AKAP7: variants seen among roughly 807,000 people sequenced by gnomAD.
AKAP7 encodes the protein A kinase (PRKA) anchor protein 7.
In AKAP7, 39 loss-of-function variants were observed where a neutral mutation model predicts 39.5. The observed-to-expected ratio is 0.99, with a 90% CI of 0.76 to 1.29. AKAP7 has a LOEUF of 1.29. Among genes scored for constraint, AKAP7 ranks in the 50% most tolerant of loss-of-function variants. The pLI is 0.00. For synonymous variants in AKAP7, 140 were observed against 139.1 expected, an observed-to-expected ratio of 1.01 and a Z score of -0.05; for missense variants, 414 against 407.7, an observed-to-expected ratio of 1.02 and a Z score of -0.13.
intron 5 of AKAP7, among the ~76,000 whole-genome samples, chr6:131,176,969 C>G (rs1220483748): frequency 6.6e-6 from 1 of 152,138 alleles, no homozygotes; most frequent in East Asian, 1.9e-4. Context: ...CAGACCTGCA[C>G]CATTGAGGCC....
intron 6 of AKAP7, among the ~76,000 whole-genome samples, chr6:131,217,771 G>A (rs903857785): frequency 6.6e-6 from 1 of 152,198 alleles, no homozygotes; most frequent in Non-Finnish European, 1.5e-5. Context: ...TTTACAAAAC[G>A]GAAGTGAAGA....
Position 131,240,588 on chromosome 6 carries a change from A to G in AKAP7, c.850+20780A>G, listed in dbSNP as rs564795353. On this transcript the variant is annotated intron_variant, in intron 7 of 7. Transcript: ENST00000431975. ...AGCTTCCTGGCCGCTTTGTTTACCT[A>G]CTCAAGCCGGGGCAATGGCGGGTGC... 5.3e-5 allele frequency among the ~76,000 whole-genome samples: 8 copies of G among 152,170 alleles called. No individual in the cohort carries two copies. In the East Asian group the frequency reaches 1.5e-3, roughly 29 times the overall value.
chr6:131,235,823 G>C (rs948757244), intron 7 of AKAP7, among the ~76,000 whole-genome samples: 2 of 152,156 alleles, frequency 1.3e-5, no homozygotes, highest in Non-Finnish European at 2.9e-5. Context: ...TTTGTCAGAT[G>C]AGTAGATTGC....
At chr6:131,238,044 G>A (rs1014459696) in intron 7 of AKAP7, among the ~76,000 whole-genome samples, 4 of 151,992 alleles carry the variant, frequency 2.6e-5, no homozygotes, top group Non-Finnish European at 5.9e-5. Flanking sequence ...TGGTCATTTA[G>A]TGCTATAAAT....
In AKAP7 at chr6:131,135,593, G is replaced by A. The variant is rs9402320; in HGVS notation, c.-171G>A. The A allele has an allele frequency of 8.3e-6, 4 of 479,206 alleles. No individual in the cohort carries two copies. Among genetic ancestry groups the A allele is most frequent in the Non-Finnish European group, 1.1e-5 (4 of 366,592 alleles). The allele number at this position is 479,206 out of a possible 1,614,324, so 29.7% of individuals were successfully genotyped here. The stretch of plus-strand genomic sequence containing the variant: ...CCGCGCTTCCGCAGGCCTGGCCTCC[G>A]CCGCCCGGGCCCCCGCAGCCTGTCG... On this transcript the variant is annotated 5_prime_UTR_variant, in exon 1 of 8. Coordinates refer to ENST00000431975, the MANE Select transcript of AKAP7 (RefSeq NM_016377.4).
chr6:131,145,253 A>C, intron 1 of AKAP7, 32 bp from the exon 2 acceptor site: 1 of 1,339,288 alleles, frequency 7.5e-7, no homozygotes, highest in Non-Finnish European at 9.9e-7. Flanking sequence ...AAGTTAAATA[A>C]TCCTTTTTTT....
chr6:131,134,559 C>G (rs897860135), upstream of AKAP7, among the ~76,000 whole-genome samples: 2 of 152,174 alleles, frequency 1.3e-5, no homozygotes, highest in Non-Finnish European at 2.9e-5. Flanking sequence ...ACCTGTCTTA[C>G]CTGCACATCC....
intron 1 of AKAP7, among the ~76,000 whole-genome samples, chr6:131,144,144 G>A (rs1374874689): frequency 1.4e-5 from 2 of 144,512 alleles, no homozygotes; most frequent in Non-Finnish European, 3.0e-5. Flanking sequence ...AAAATGAAAA[G>A]TCTCCCATGT....
chr6:131,148,727 T>A (rs966053764), intron 2 of AKAP7, among the ~76,000 whole-genome samples: 1 of 152,274 alleles, frequency 6.6e-6, no homozygotes, highest in South Asian at 2.1e-4. Context: ...TTTATAGGAA[T>A]GTACAAAAAC....
chr6:131,254,482 A>G (rs1431039883), intron 7 of AKAP7, among the ~76,000 whole-genome samples: 3 of 152,234 alleles, frequency 2.0e-5, no homozygotes, highest in African/African-American at 4.8e-5. Flanking sequence ...CTTAATAACT[A>G]TGTAGATACC....
intron 7 of AKAP7, among the ~76,000 whole-genome samples, chr6:131,252,039 C>T (rs1196205950): frequency 1.3e-5 from 2 of 152,224 alleles, no homozygotes; most frequent in Non-Finnish European, 2.9e-5. Context: ...AGTGCCTGCT[C>T]TCCTGCTCTG....
intron 7 of AKAP7, among the ~76,000 whole-genome samples, chr6:131,240,485 G>T (rs1056593606): frequency 1.3e-5 from 2 of 152,206 alleles, no homozygotes; most frequent in African/African-American, 4.8e-5. Flanking sequence ...CTTTTGTTTG[G>T]CTATGCCCTG....
intron 7 of AKAP7, among the ~76,000 whole-genome samples, chr6:131,220,560 TACTC>T (rs1363679591): frequency 1.3e-5 from 2 of 152,214 alleles, no homozygotes. Context: ...AACATGAAAA[TACTC>T]AAAGAAGACA....
chr6:131,220,513 G>C (rs894823991), intron 7 of AKAP7, among the ~76,000 whole-genome samples: 2 of 152,148 alleles, frequency 1.3e-5, no homozygotes, highest in African/African-American at 4.8e-5. Flanking sequence ...TTAAAACTGT[G>C]AACTTCAAGA....
chr6:131,239,106 G>A (rs1811318241), intron 7 of AKAP7, among the ~76,000 whole-genome samples: 1 of 152,114 alleles, frequency 6.6e-6, no homozygotes, highest in Admixed American at 6.5e-5. Flanking sequence ...AGGCCTGGTG[G>A]TGACAAAATC....
chr6:131,143,362 T>A (rs1801204178), intron 1 of AKAP7, among the ~76,000 whole-genome samples: 1 of 152,178 alleles, frequency 6.6e-6, no homozygotes, highest in South Asian at 2.1e-4. Flanking sequence ...CCTGCAGTAA[T>A]GAGTTCATGT....
intron 3 of AKAP7, among the ~76,000 whole-genome samples, chr6:131,164,031 T>C (rs1803234586): frequency 6.6e-6 from 1 of 152,156 alleles, no homozygotes. Flanking sequence ...AAGGACAGCA[T>C]CTCATGATTT....
chr6:131,189,749 A>G (rs1027202582), intron 5 of AKAP7, among the ~76,000 whole-genome samples: 1 of 152,216 alleles, frequency 6.6e-6, no homozygotes, highest in African/African-American at 2.4e-5. Context: ...GTATTCTTTT[A>G]TATAGCAAAG....
chr6:131,166,019 T>C (rs1803447051), intron 4 of AKAP7, among the ~76,000 whole-genome samples: 1 of 152,132 alleles, frequency 6.6e-6, no homozygotes. Context: ...AGGCTTGAAT[T>C]AGGAAGGGAT....
Sources: gnomAD v4.1 joint callset for allele counts (sites outside exome capture counted in the v4.1 genomes callset) on GRCh38, gnomAD v4.1.1 for gene constraint, MANE v1.5 for transcripts, NCBI Gene and HGNC (gene_info 2026-07-23, HGNC 2026-07-21) for gene names.